The following KLK6 variants were observed in gnomAD, a reference collection of about 807,000 sequenced individuals.
The protein encoded by KLK6 is kallikrein-6.
Under a neutral mutation model 21.7 loss-of-function variants are expected in KLK6, and 16 were observed. That is an observed-to-expected ratio of 0.74 (90% CI 0.50 to 1.12). The LOEUF is 1.12. Among genes scored for constraint, KLK6 ranks in the 50% most tolerant of loss-of-function variants. The pLI, the probability that KLK6 is intolerant of heterozygous loss-of-function variation, is 0.00. For missense variants in KLK6, 276 were observed against 304.6 expected, an observed-to-expected ratio of 0.91 and a Z score of 0.70; for synonymous variants, 116 against 120.1, an observed-to-expected ratio of 0.97 and a Z score of 0.22.
intron 4 of KLK6, among the ~76,000 whole-genome samples, chr19:50,964,058 A>G (rs2090888543): frequency 6.6e-6 from 1 of 152,108 alleles, no homozygotes; most frequent in Admixed American, 6.6e-5. Flanking sequence ...GCACTGCCCC[A>G]TCATCTCACA....
chr19:50,964,778 G>A (rs1037485770), intron 4 of KLK6, among the ~76,000 whole-genome samples: 2 of 152,198 alleles, frequency 1.3e-5, no homozygotes, highest in African/African-American at 4.8e-5. Context: ...TAAGAATAAA[G>A]CCTGGGCTCC....
Position 50,963,293 on chromosome 19 carries a change from A to T in KLK6, c.445+9T>A. The T allele has an allele frequency of 6.2e-7, 1 of 1,609,440 alleles. No individual in the cohort carries two copies. The highest frequency in any genetic ancestry group is 8.5e-7 in the Non-Finnish European group (1 of 1,176,470). On this transcript the variant is annotated intron_variant, in intron 5 of 6. Coordinates refer to ENST00000310157, the MANE Select transcript of KLK6 (RefSeq NM_002774.4). ...GTAGCCTGCTCCCCACCAGCCTCCC[A>T]CTACTGACCATCTGCTGTCTTGCCC...
Position 50,969,577 on chromosome 19 carries a change from G to T in KLK6, c.-147C>A, listed in dbSNP as rs186348229. 2 of 152,418 alleles carry T rather than the reference G, an allele frequency of 1.3e-5. No homozygotes were observed. The highest frequency in any genetic ancestry group is 2.9e-5 in the Non-Finnish European group (2 of 68,318). 9.4% of individuals were successfully genotyped at this position (152,418 alleles called of 1,614,324 possible). Reference sequence around the variant, plus strand: ...AGCCAGCCGGGGAGACAGCTACAGCGTGTGTCACCACACTGGCCCCCGCCC... The same window carrying T: ...AGCCAGCCGGGGAGACAGCTACAGCTTGTGTCACCACACTGGCCCCCGCCC... On this transcript the variant is annotated 5_prime_UTR_variant, in exon 1 of 7. Transcript: ENST00000310157.
At position 50,961,798 on chromosome 19, in the gene KLK6, G is replaced by C. The variant is rs772595879; in HGVS notation, c.528C>G (p.Ile176Met). 2 of 1,614,058 alleles carry C rather than the reference G, an allele frequency of 1.2e-6. No homozygotes were observed. Among genetic ancestry groups the C allele is most frequent in the African/African-American group, 2.7e-5 (2 of 75,028 alleles). The change falls in exon 6 of 7, where the codon ATC (isoleucine) becomes ATG (methionine). Residue 176 changes from isoleucine (I) to methionine (M), a missense_variant. By Grantham distance (10) the Ile-to-Met change is conservative (BLOSUM62 1). Transcript: ENST00000310157. ...CCCCAGCACACAACATGTTCTGGGTGATCTGGCCAGGGTAGGCATGCTCAC... is the reference window on the plus strand; with the variant it reads ...CCCCAGCACACAACATGTTCTGGGTCATCTGGCCAGGGTAGGCATGCTCAC... ...EECEHAYPGQITQNMLCAGDE... is the reference protein window; with the variant it reads ...EECEHAYPGQMTQNMLCAGDE...
In KLK6 at chr19:50,968,093, C is replaced by A. The variant is rs778102234; in HGVS notation, c.12G>T (p.Leu4=). MKK[L]MVVLSLIAAA... ...CAGCAATCAGACTCAGCACCACCAT[C>A]AGCTTCTTCATGGCCGCTCCTGAGA... Residue 4 remains leucine (L), a synonymous_variant, in exon 3 of 7, where the codon CTG becomes CTT. Transcript: ENST00000310157. 4 of 1,614,090 alleles carry A rather than the reference C, an allele frequency of 2.5e-6. No homozygotes were observed. The highest frequency in any genetic ancestry group is 3.4e-6 in the Non-Finnish European group (4 of 1,179,994).
intron 5 of KLK6, 150 bp from the exon 6 acceptor site, chr19:50,962,030 A>C: frequency 1.2e-6 from 1 of 817,390 alleles, no homozygotes; most frequent in Non-Finnish European, 1.8e-6. Flanking sequence ...TCATTCTTAC[A>C]TCTCATTACC....
intron 5 of KLK6, 48 bp from the exon 6 acceptor site, chr19:50,961,928 C>T: frequency 1.9e-6 from 3 of 1,589,356 alleles, no homozygotes; most frequent in Non-Finnish European, 2.6e-6. Flanking sequence ...TTGCACTCCC[C>T]TCATCCTCCC....
In KLK6 at chr19:50,961,744, C is replaced by T; in HGVS notation, c.582G>A (p.Gln194=). The T allele has an allele frequency of 1.2e-6, 2 of 1,613,152 alleles. No homozygotes were observed. The highest frequency in any genetic ancestry group is 1.7e-6 in the Non-Finnish European group (2 of 1,179,486). Residue 194 remains glutamine (Q), a splice_region_variant and synonymous_variant, in exon 6 of 7, where the codon CAG becomes CAA. Transcript: ENST00000310157. ...GDEKYGKDSC[Q]GDSGGPLVCG... is the part of the protein sequence containing the mutation. ...AAGTGGCAGATCCGGGTCACCTCAC[C>T]TGGCAGGAATCCTTCCCGTACTTCT... is the stretch of plus-strand genomic sequence containing the variant.
chr19:50,960,134 G>A (rs2090817567), intron 6 of KLK6, among the ~76,000 whole-genome samples: 1 of 101,186 alleles, frequency 9.9e-6, no homozygotes, highest in Non-Finnish European at 2.1e-5. Context: ...GAGGAGGATG[G>A]GGAGGGGGAG....
intron 2 of KLK6, 118 bp from the exon 3 acceptor site, chr19:50,968,230 C>T: frequency 1.1e-6 from 1 of 893,868 alleles, no homozygotes. Flanking sequence ...CCTGCCTTGA[C>T]CTCTGTCCTT....
intron 6 of KLK6, among the ~76,000 whole-genome samples, chr19:50,959,906 A>G (rs1411929377): frequency 1.9e-5 from 1 of 53,942 alleles, no homozygotes; most frequent in African/African-American, 8.6e-5. Flanking sequence ...GAGGAGGAGA[A>G]GGAAGAGGAG....
At chr19:50,965,651 G>A (rs943719815) in intron 4 of KLK6, among the ~76,000 whole-genome samples, 2 of 152,208 alleles carry the variant, frequency 1.3e-5, no homozygotes, top group Non-Finnish European at 2.9e-5. Flanking sequence ...CCCATCCATT[G>A]CTGAATCTCC....
intron 3 of KLK6, among the ~76,000 whole-genome samples, 186 bp from the exon 4 acceptor site, chr19:50,967,511 CCACACACACACACACACA>C (rs146062864): frequency 4.0e-5 from 5 of 125,478 alleles, no homozygotes; most frequent in Non-Finnish European, 8.1e-5. Flanking sequence ...GACCTCATCT[CCACACACACACACACACA>C]CACACACACA....
At position 50,959,046 on chromosome 19, in the gene KLK6, T is replaced by C; in HGVS notation, c.*118A>G. 9.1e-7 allele frequency: 1 copy of C among 1,101,536 alleles called. No individual in the cohort carries two copies. The highest frequency in any genetic ancestry group is 1.4e-6 in the Non-Finnish European group (1 of 739,328). The allele number at this position is 1,101,536 out of a possible 1,614,324, so 68.2% of individuals were successfully genotyped here. ...ATCAGGACCCTCACGTCGCTGCGTT[T>C]ATTAAGCATCAGGGTCAGAGCTGGG... On this transcript the variant is annotated 3_prime_UTR_variant, in exon 7 of 7. Coordinates refer to ENST00000310157, the MANE Select transcript of KLK6 (RefSeq NM_002774.4).
Position 50,961,842 on chromosome 19 carries a change from G to C in KLK6, c.484C>G (p.Leu162Val), listed in dbSNP as rs140476582. 1.2e-6 allele frequency: 2 copies of C among 1,614,002 alleles called. No homozygotes were observed. The highest frequency in any genetic ancestry group is 1.7e-6 in the Non-Finnish European group (2 of 1,179,934). Residue 162 changes from leucine (L) to valine (V), a missense_variant, in exon 6 of 7, where the codon CTG becomes GTG. Transcript: ENST00000310157. ...PDTIQCAYIH[L>V]VSREECEHAY... Reference sequence around the variant, plus strand: ...TGCTCACACTCCTCACGGGACACCAGGTGGATGTATGCACACTGGATGGTG... The same window carrying C: ...TGCTCACACTCCTCACGGGACACCACGTGGATGTATGCACACTGGATGGTG...
chr19:50,962,198 A>G (rs2090853243), intron 5 of KLK6: 2 of 269,526 alleles, frequency 7.4e-6, no homozygotes, highest in African/African-American at 2.3e-5. Context: ...CACTGGTCCC[A>G]CCTTCTTCAG....
chr19:50,960,562 C>T (rs76566634), intron 6 of KLK6, among the ~76,000 whole-genome samples: 3,465 of 152,114 alleles, frequency 0.023, 127 homozygotes, highest in African/African-American at 0.078. Context: ...AAGGACAGTC[C>T]CCTCACACCA....
At chr19:50,963,192 C>G (rs1448676684) in intron 5 of KLK6, 110 bp downstream of exon 5, 1 of 1,449,442 alleles carries the variant, frequency 6.9e-7, no homozygotes, top group Non-Finnish European at 9.4e-7. Flanking sequence ...TTGGTCCTCA[C>G]CATTAGCCCA....
rs33968878 is a variant in KLK6 at position 50,967,550 on chromosome 19, CAA to C, written c.41-227_41-226del. Among the ~76,000 whole-genome samples, 302 of 141,496 alleles carry C rather than the reference CAA, an allele frequency of 2.1e-3. 2 individuals carry two copies. Among genetic ancestry groups the C allele is most frequent in the Admixed American group, 3.9e-3 (54 of 13,762 alleles). 92.8% of individuals were successfully genotyped at this position (141,496 alleles called of 152,430 possible). A position where few individuals can be genotyped will look rare whatever the true frequency, so the allele number is the denominator to read the frequency against. ...ACACACACACACACACACACACACACAAATTAGCAGGGTATGGTGGCATACGC... is the reference window on the plus strand; with the variant it reads ...ACACACACACACACACACACACACACATTAGCAGGGTATGGTGGCATACGC... On this transcript the variant is annotated intron_variant, in intron 3 of 6. Transcript: ENST00000310157.
Sources: allele counts gnomAD v4.1 joint callset (sites outside exome capture counted in the v4.1 genomes callset), GRCh38; gene constraint gnomAD v4.1.1; transcripts MANE v1.5; gene names NCBI Gene and HGNC (gene_info 2026-07-23, HGNC 2026-07-21).